Variants in CDC42BPA observed in about 807,000 individuals in gnomAD.
CDC42BPA encodes CDC42 binding protein kinase alpha, also known as serine/threonine-protein kinase MRCK alpha.
A neutral mutation model predicts 223.5 loss-of-function variants in CDC42BPA; 80 were observed. The observed-to-expected ratio is 0.36, with a 90% CI of 0.30 to 0.43. The LOEUF (loss-of-function observed/expected upper bound fraction) is 0.43. Ranked by LOEUF, CDC42BPA falls within the 20% of genes least tolerant of loss-of-function variation. The pLI, the probability that CDC42BPA is intolerant of heterozygous loss-of-function variation, is 1.00. For missense variants in CDC42BPA, 1,743 were observed against 2,099.9 expected (o/e 0.83, Z 3.32); for synonymous variants, 694 against 718.6 (o/e 0.97, Z 0.55).
At chr1:227,243,217 G>A (rs2718201) in intron 2 of CDC42BPA, among the ~76,000 whole-genome samples, 46,769 of 151,804 alleles carry the variant, frequency 0.31, 7,371 homozygotes, top group East Asian at 0.37. Context: ...AAAAATAACT[G>A]ATGGGTACTG....
At chr1:227,297,907 C>A (rs1411755150) in intron 1 of CDC42BPA, among the ~76,000 whole-genome samples, 1 of 147,878 alleles carries the variant, frequency 6.8e-6, no homozygotes, top group African/African-American at 2.5e-5. Context: ...AAATAATACA[C>A]TTTAAAGGGG....
At chr1:227,030,313 G>C in intron 29 of CDC42BPA, 95 bp downstream of exon 29, 1 of 733,700 alleles carries the variant, frequency 1.4e-6, no homozygotes, top group South Asian at 1.7e-5. Context: ...GGATAAATAA[G>C]AGCAAATCCT....
intron 6 of CDC42BPA, among the ~76,000 whole-genome samples, chr1:227,157,943 A>T (rs1350332085): frequency 1.4e-5 from 2 of 145,050 alleles, no homozygotes; most frequent in Non-Finnish European, 3.0e-5. Context: ...GTTTTCTTAA[A>T]TATTTTTATA....
chr1:227,091,294 A>G (rs1009769077), intron 16 of CDC42BPA, among the ~76,000 whole-genome samples: 1 of 152,172 alleles, frequency 6.6e-6, no homozygotes, highest in Non-Finnish European at 1.5e-5. Flanking sequence ...TGTGATTCCC[A>G]GTGTTGGAGG....
chr1:227,237,964 AG>A (rs1478248975), intron 2 of CDC42BPA, among the ~76,000 whole-genome samples: 1 of 138,142 alleles, frequency 7.2e-6, no homozygotes, highest in Non-Finnish European at 1.5e-5. Context: ...GCTTGAACCC[AG>A]GGGTGGAGGT....
At chr1:227,282,387 T>TA (rs1306390626) in intron 1 of CDC42BPA, among the ~76,000 whole-genome samples, 32 of 152,174 alleles carry the variant, frequency 2.1e-4, no homozygotes, top group Admixed American at 1.3e-3. Flanking sequence ...CGGTTGTTTA[T>TA]ATAATACTCT....
At chr1:227,301,080 G>A (rs1304610026) in intron 1 of CDC42BPA, among the ~76,000 whole-genome samples, 2 of 149,412 alleles carry the variant, frequency 1.3e-5, no homozygotes, top group Non-Finnish European at 3.0e-5. Context: ...TGTGTTCACA[G>A]AAGTATCTGT....
At chr1:227,028,289 A>G (rs780404041) in intron 30 of CDC42BPA, among the ~76,000 whole-genome samples, 26 of 152,230 alleles carry the variant, frequency 1.7e-4, no homozygotes, top group Non-Finnish European at 3.5e-4. Context: ...TAACTCACTT[A>G]GTAACTACTT....
At chr1:227,165,414 T>A (rs904516718) in intron 5 of CDC42BPA, among the ~76,000 whole-genome samples, 3 of 152,182 alleles carry the variant, frequency 2.0e-5, no homozygotes, top group Non-Finnish European at 4.4e-5. Flanking sequence ...TACTTGAAAA[T>A]GTACTGTTAG....
chr1:227,147,862 C>T (rs1660970764), intron 6 of CDC42BPA, among the ~76,000 whole-genome samples: 2 of 150,738 alleles, frequency 1.3e-5, no homozygotes. Flanking sequence ...TTAGAACACT[C>T]ATTATTGATA....
At chr1:227,211,912 TA>T (rs1412017931) in intron 3 of CDC42BPA, among the ~76,000 whole-genome samples, 1 of 151,806 alleles carries the variant, frequency 6.6e-6, no homozygotes, top group East Asian at 1.9e-4. Flanking sequence ...CCTAAATATA[TA>T]AAAACAAAAA....
rs929344029 is a variant in CDC42BPA, at chr1:227,036,708, C to T, written c.3200-1101G>A. On this transcript the variant is annotated intron_variant, in intron 24 of 36. Transcript: ENST00000366766. ...CCTCCCAAAGTGCTGAGATTACAGG[C>T]GTTGAGCCACCGCGCCCGGCCTTCA... Among the ~76,000 whole-genome samples, 6 of 146,908 alleles carry T rather than the reference C, an allele frequency of 4.1e-5. No homozygotes were observed. In the East Asian group the frequency reaches 5.8e-4, roughly 14 times the overall value.
At chr1:227,213,086 T>A in intron 3 of CDC42BPA, 50 bp downstream of exon 3, 2 of 955,508 alleles carry the variant, frequency 2.1e-6, no homozygotes. Context: ...TTATAATTCC[T>A]GAAAAATATT....
At chr1:227,313,864 A>G (rs942209277) in intron 1 of CDC42BPA, among the ~76,000 whole-genome samples, 5 of 152,090 alleles carry the variant, frequency 3.3e-5, no homozygotes, top group Admixed American at 2.6e-4. Flanking sequence ...ACTATTTTCT[A>G]TGTATATACA....
At chr1:227,175,533 T>C (rs1427829647) in intron 5 of CDC42BPA, among the ~76,000 whole-genome samples, 1 of 152,192 alleles carries the variant, frequency 6.6e-6, no homozygotes, top group Non-Finnish European at 1.5e-5. Flanking sequence ...TTACATGTAC[T>C]GTTCATATTT....
chr1:227,134,227 T>C (rs1393400388), intron 10 of CDC42BPA, among the ~76,000 whole-genome samples: 1 of 152,190 alleles, frequency 6.6e-6, no homozygotes, highest in Non-Finnish European at 1.5e-5. Flanking sequence ...ATACCTTCAA[T>C]TTCTTTACCC....
intron 26 of CDC42BPA, among the ~76,000 whole-genome samples, chr1:227,034,091 T>C (rs1669812121): frequency 6.6e-6 from 1 of 152,166 alleles, no homozygotes; most frequent in Non-Finnish European, 1.5e-5. Flanking sequence ...TGGATATATC[T>C]GAACTGGAGA....
intron 1 of CDC42BPA, among the ~76,000 whole-genome samples, chr1:227,299,840 A>T (rs534381935): frequency 6.6e-6 from 1 of 152,322 alleles, no homozygotes; most frequent in Non-Finnish European, 1.5e-5. Flanking sequence ...TACATAATTC[A>T]ATAATAATTT....
chr1:227,165,941 A>C (rs750524465), intron 5 of CDC42BPA, among the ~76,000 whole-genome samples: 1 of 152,228 alleles, frequency 6.6e-6, no homozygotes, highest in Non-Finnish European at 1.5e-5. Flanking sequence ...ATTAAAAACC[A>C]AAAATACATG....
Sources: gnomAD v4.1 joint callset for allele counts (sites outside exome capture counted in the v4.1 genomes callset) on GRCh38, gnomAD v4.1.1 for gene constraint, MANE v1.5 for transcripts, NCBI Gene and HGNC (gene_info 2026-07-23, HGNC 2026-07-21) for gene names.